DMD: variants seen among roughly 807,000 people sequenced by gnomAD.
DMD encodes the protein mutant dystrophin.
In DMD, 63 loss-of-function variants were observed where a neutral mutation model predicts 330.1. The observed-to-expected ratio is 0.19, with a 90% CI of 0.16 to 0.24. DMD has a LOEUF of 0.24. DMD is among the 10% of genes least tolerant of loss of function. DMD has a pLI of 1.00. For missense variants in DMD, 3,344 were observed against 2,684.1 expected (o/e 1.25, Z -5.43); for synonymous variants, 1,223 against 959.8 (o/e 1.27, Z -5.07).
intron 61 of DMD, among the ~76,000 whole-genome samples, chrX:31,332,629 G>A (rs1348251984): frequency 9.0e-6 from 1 of 111,393 alleles, no homozygotes; most frequent in Non-Finnish European, 1.9e-5. Flanking sequence ...CCTTTTCTAA[G>A]GCTGATAATC....
intron 44 of DMD, chrX:32,151,551 T>C (rs1343328216): frequency 1.8e-5 from 2 of 111,421 alleles, no homozygotes; most frequent in South Asian, 3.8e-4. Flanking sequence ...AATGCCACAA[T>C]ACCTCCTTAT....
At chrX:32,271,010 T>G (rs2148348862) in intron 43 of DMD, among the ~76,000 whole-genome samples, 1 of 111,268 alleles carries the variant, frequency 9.0e-6, no homozygotes, top group East Asian at 2.9e-4. Context: ...AAATAAAAGT[T>G]AGCATCTACG....
At chrX:32,589,987 C>T (rs1044461811) in intron 13 of DMD, among the ~76,000 whole-genome samples, 1 of 111,909 alleles carries the variant, frequency 8.9e-6, no homozygotes, top group Non-Finnish European at 1.9e-5. Context: ...TACCAATAAA[C>T]AGTATCACGC....
chrX:32,559,686 T>A (rs1336197651), intron 16 of DMD, among the ~76,000 whole-genome samples: 1 of 111,799 alleles, frequency 8.9e-6, no homozygotes, highest in Non-Finnish European at 1.9e-5. Flanking sequence ...GAAGAACATG[T>A]AAAGAAATTT....
At chrX:31,656,927 G>C (rs1311533306) in intron 54 of DMD, among the ~76,000 whole-genome samples, 1 of 111,217 alleles carries the variant, frequency 9.0e-6, no homozygotes, top group Non-Finnish European at 1.9e-5. Context: ...AGGGTGACCA[G>C]CTTAAATTCA....
intron 49 of DMD, among the ~76,000 whole-genome samples, chrX:31,831,062 C>G (rs972827165): frequency 4.4e-5 from 5 of 112,523 alleles, no homozygotes; most frequent in African/African-American, 1.3e-4. Context: ...CAGCTGAACT[C>G]TGTAAGAAGC....
intron 41 of DMD, among the ~76,000 whole-genome samples, chrX:32,328,533 A>G (rs1383067434): frequency 9.0e-6 from 1 of 111,451 alleles, no homozygotes. Flanking sequence ...GGCCATACAT[A>G]TAGGAGGTGA....
At chrX:32,854,074 G>C (rs1240541246) in intron 2 of DMD, among the ~76,000 whole-genome samples, 2 of 111,420 alleles carry the variant, frequency 1.8e-5, no homozygotes, top group African/African-American at 6.5e-5. Flanking sequence ...GATATATAAA[G>C]CAACATTATT....
chrX:32,784,849 T>C (rs374979303), intron 7 of DMD, among the ~76,000 whole-genome samples: 3 of 111,891 alleles, frequency 2.7e-5, no homozygotes, highest in Non-Finnish European at 5.7e-5. Flanking sequence ...TTCTGTCTTA[T>C]ATAACAGTTA....
intron 25 of DMD, among the ~76,000 whole-genome samples, chrX:32,459,359 G>A (rs986248787): frequency 9.0e-6 from 1 of 110,899 alleles, no homozygotes; most frequent in Non-Finnish European, 1.9e-5. Context: ...AACAAAAATA[G>A]ATTCTCTTCC....
In DMD at chrX:32,342,120, T is replaced by C; in HGVS notation, c.5902A>G (p.Arg1968Gly). Residue 1968 changes from arginine to glycine, a missense_variant, in exon 41 of 79, where the codon AGA (arginine) becomes GGA (glycine). Physicochemically the swap from Arg to Gly is moderately radical, Grantham distance 125. Transcript: ENST00000357033. ...EIESKFAQFRRLNFAQIHTVR... is the reference protein window; with the variant it reads ...EIESKFAQFRGLNFAQIHTVR... ...CTCACAATTTGTGCAAAGTTGAGTC[T>C]TCGAAACTGAGCAAATTTGCTCTCA... The C allele has an allele frequency of 8.3e-7, 1 of 1,208,069 alleles. No individual in the cohort carries two copies. Among genetic ancestry groups the C allele is most frequent in the East Asian group, 3.0e-5 (1 of 33,674 alleles).
chrX:32,532,682 CT>C (rs1433263751), intron 17 of DMD, among the ~76,000 whole-genome samples: 1 of 112,193 alleles, frequency 8.9e-6, no homozygotes, highest in African/African-American at 3.2e-5. Flanking sequence ...TTCCATGATC[CT>C]TTTTTAACTG....
At chrX:31,441,253 G>C (rs963777358) in intron 60 of DMD, among the ~76,000 whole-genome samples, 1 of 111,816 alleles carries the variant, frequency 8.9e-6, no homozygotes, top group African/African-American at 3.3e-5. Context: ...CTGGAGTGCA[G>C]TGGCACGATC....
At chrX:32,573,690 T>C in intron 14 of DMD, 53 bp from the exon 15 acceptor site, 1 of 1,192,058 alleles carries the variant, frequency 8.4e-7, no homozygotes, top group Non-Finnish European at 1.1e-6. Flanking sequence ...TCTTTACTTT[T>C]CCAATTTAAT....
intron 11 of DMD, among the ~76,000 whole-genome samples, chrX:32,637,381 T>C (rs1327345620): frequency 8.9e-6 from 1 of 112,025 alleles, no homozygotes; most frequent in East Asian, 2.8e-4. Flanking sequence ...ATTGGGAATT[T>C]TTGTACTAAG....
At chrX:31,562,774 T>C (rs2075266385) in intron 55 of DMD, among the ~76,000 whole-genome samples, 2 of 112,549 alleles carry the variant, frequency 1.8e-5, no homozygotes, top group African/African-American at 6.4e-5. Flanking sequence ...CTTTGTCTTC[T>C]GTTATTTTAA....
intron 49 of DMD, among the ~76,000 whole-genome samples, chrX:31,827,040 T>C (rs907031739): frequency 1.5e-4 from 17 of 112,312 alleles, no homozygotes; most frequent in African/African-American, 5.2e-4. Context: ...TATCAAACTA[T>C]GAAATTTCTG....
intron 43 of DMD, among the ~76,000 whole-genome samples, chrX:32,260,420 C>T (rs184265490): frequency 1.8e-5 from 2 of 111,503 alleles, no homozygotes; most frequent in Admixed American, 9.5e-5. Context: ...TAAGTATCTC[C>T]ACTCTTTGGT....
At chrX:32,306,382 C>T (rs1445297645) in intron 42 of DMD, among the ~76,000 whole-genome samples, 1 of 111,164 alleles carries the variant, frequency 9.0e-6, no homozygotes, top group African/African-American at 3.3e-5. Context: ...TATAAGCTCA[C>T]TACCAGCTTT....
Sources: allele counts gnomAD v4.1 joint callset (sites outside exome capture counted in the v4.1 genomes callset), GRCh38; gene constraint gnomAD v4.1.1; transcripts MANE v1.5; gene names NCBI Gene and HGNC (gene_info 2026-07-23, HGNC 2026-07-21).